The following FHIT variants were observed in gnomAD, a reference collection of about 807,000 sequenced individuals.
FHIT encodes fragile histidine triad diadenosine triphosphatase.
A neutral mutation model predicts 17.9 loss-of-function variants in FHIT; 19 were observed. The ratio of observed to expected loss-of-function variants is 1.06; its 90% CI spans 0.74 to 1.56. The LOEUF is 1.56. FHIT is among the 40% of genes most tolerant of loss of function. The probability of loss-of-function intolerance (pLI) is 0.00; values close to 1 mark genes in which losing one functional copy is unlikely to be tolerated. For missense variants in FHIT, 248 were observed against 189.2 expected (o/e 1.31, Z -1.82); for synonymous variants, 81 against 69.7 (o/e 1.16, Z -0.81).
At chr3:59,903,498 G>A (rs951430691) in intron 8 of FHIT, among the ~76,000 whole-genome samples, 2 of 152,132 alleles carry the variant, frequency 1.3e-5, no homozygotes, top group Admixed American at 6.5e-5. Context: ...CTGAGACAAA[G>A]GAAGAAATAA....
intron 5 of FHIT, among the ~76,000 whole-genome samples, chr3:60,190,367 A>G (rs1158920039): frequency 6.6e-6 from 1 of 152,120 alleles, no homozygotes; most frequent in Non-Finnish European, 1.5e-5. Context: ...AAAAAAAAAA[A>G]AGAAAAACTA....
At chr3:60,553,360 C>T (rs1431062334) in intron 4 of FHIT, 27 of 975,890 alleles carry the variant, frequency 2.8e-5, no homozygotes, top group South Asian at 4.7e-5. Flanking sequence ...TGTGTTTTTA[C>T]GTAATGTGAA....
intron 4 of FHIT, among the ~76,000 whole-genome samples, chr3:60,706,905 A>C (rs1314817884): frequency 6.6e-6 from 1 of 152,224 alleles, no homozygotes; most frequent in African/African-American, 2.4e-5. Flanking sequence ...TGTGGCACTT[A>C]CATCTTTTCT....
At chr3:60,864,175 A>G (rs1302656998) in intron 3 of FHIT, among the ~76,000 whole-genome samples, 3 of 151,982 alleles carry the variant, frequency 2.0e-5, no homozygotes, top group African/African-American at 7.3e-5. Flanking sequence ...TGATTCAATT[A>G]CCTCCTACCC....
intron 4 of FHIT, among the ~76,000 whole-genome samples, chr3:60,735,518 G>A (rs781881982): frequency 6.6e-6 from 1 of 152,110 alleles, no homozygotes; most frequent in Non-Finnish European, 1.5e-5. Context: ...TGAAAGGGAA[G>A]AATTTAAAAA....
At chr3:60,496,047 A>G in intron 5 of FHIT, among the ~76,000 whole-genome samples, 1 of 152,192 alleles carries the variant, frequency 6.6e-6, no homozygotes, top group East Asian at 1.9e-4. Flanking sequence ...TTAATACATT[A>G]GAAAAATATG....
At chr3:60,862,053 A>G (rs1014438681) in intron 3 of FHIT, among the ~76,000 whole-genome samples, 7 of 152,216 alleles carry the variant, frequency 4.6e-5, no homozygotes, top group Non-Finnish European at 1.0e-4. Context: ...GTGTCTAACA[A>G]ATGCTTATAG....
intron 5 of FHIT, among the ~76,000 whole-genome samples, chr3:60,173,396 G>A (rs1701505854): frequency 6.6e-6 from 1 of 152,050 alleles, no homozygotes; most frequent in African/African-American, 2.4e-5. Flanking sequence ...AATTAGACTG[G>A]GTAAAGTGAA....
intron 3 of FHIT, among the ~76,000 whole-genome samples, chr3:60,939,930 G>C (rs1708339895): frequency 6.6e-6 from 1 of 152,042 alleles, no homozygotes; most frequent in Non-Finnish European, 1.5e-5. Context: ...TCATGATCAA[G>C]ACTCAGAAAC....
intron 5 of FHIT, among the ~76,000 whole-genome samples, chr3:60,523,351 C>T (rs2035446880): frequency 6.6e-6 from 1 of 152,104 alleles, no homozygotes; most frequent in Non-Finnish European, 1.5e-5. Flanking sequence ...TTAAATCTTA[C>T]TCTACTTTTT....
intron 8 of FHIT, among the ~76,000 whole-genome samples, chr3:59,778,672 C>G (rs1041598375): frequency 6.6e-6 from 1 of 152,198 alleles, no homozygotes; most frequent in Admixed American, 6.5e-5. Flanking sequence ...TGGGCCACAA[C>G]TGGACAACCC....
chr3:60,093,464 G>A (rs1703812628), intron 5 of FHIT, among the ~76,000 whole-genome samples: 1 of 152,148 alleles, frequency 6.6e-6, no homozygotes, highest in South Asian at 2.1e-4. Context: ...CAGCTATTGA[G>A]CAACCTCAAT....
rs374357295 is a variant in FHIT, at chr3:59,781,712, G to A, written c.349-29391C>T. Reference sequence around the variant, plus strand: ...CAACATTAATTACCAATGTCAGCCTGGATGCATTTGCTGGGTATTGAAACC... The same window carrying A: ...CAACATTAATTACCAATGTCAGCCTAGATGCATTTGCTGGGTATTGAAACC... On this transcript the variant is annotated intron_variant, in intron 8 of 9. Transcript: ENST00000492590. Among the ~76,000 whole-genome samples, 39 of 152,308 alleles carry A rather than the reference G, an allele frequency of 2.6e-4. 1 individual carries two copies. The East Asian group carries it at 2.9e-3, about 11-fold the overall frequency.
In FHIT at chr3:59,948,320, T is replaced by A. The variant is rs903366730; in HGVS notation, c.280-25906A>T. 5.5e-4 allele frequency among the ~76,000 whole-genome samples: 73 copies of A among 133,884 alleles called. 1 individual carries two copies. The highest frequency in any genetic ancestry group is 4.5e-3 in the Middle Eastern group (1 of 224). 87.8% of individuals were successfully genotyped at this position (133,884 alleles called of 152,430 possible). A position where few individuals can be genotyped will look rare whatever the true frequency, so the allele number is the denominator to read the frequency against. On this transcript the variant is annotated intron_variant, in intron 7 of 9. Transcript: ENST00000492590. ...GACATCGAGACCATCCTGGCCAACA[T>A]AGTGAAACCCCGTCTCCACTAAAAA...
At chr3:60,354,540 G>C (rs1350381003) in intron 5 of FHIT, among the ~76,000 whole-genome samples, 1 of 152,134 alleles carries the variant, frequency 6.6e-6, no homozygotes, top group Non-Finnish European at 1.5e-5. Flanking sequence ...TGCCAGTTAA[G>C]TCACCTTTCC....
chr3:60,943,415 T>G (rs111656720), intron 3 of FHIT, among the ~76,000 whole-genome samples: 69 of 152,258 alleles, frequency 4.5e-4, no homozygotes, highest in Middle Eastern at 3.4e-3. Flanking sequence ...ATATTAATAG[T>G]GTCACCAGCT....
chr3:59,979,778 G>A (rs1029678584), intron 7 of FHIT, among the ~76,000 whole-genome samples: 1 of 152,096 alleles, frequency 6.6e-6, no homozygotes, highest in African/African-American at 2.4e-5. Context: ...CGTGTGACAA[G>A]AGTACATGTT....
At chr3:60,184,321 C>A (rs962879117) in intron 5 of FHIT, among the ~76,000 whole-genome samples, 4 of 151,918 alleles carry the variant, frequency 2.6e-5, no homozygotes, top group Admixed American at 2.0e-4. Flanking sequence ...ACTCCAGGAC[C>A]CCATCCAAGA....
chr3:60,531,069 C>T (rs1468012547), intron 5 of FHIT, among the ~76,000 whole-genome samples: 1 of 152,116 alleles, frequency 6.6e-6, no homozygotes, highest in East Asian at 1.9e-4. Context: ...ACCAACTTGC[C>T]CCACTACAAT....
Sources: gnomAD v4.1 joint callset for allele counts (sites outside exome capture counted in the v4.1 genomes callset) on GRCh38, gnomAD v4.1.1 for gene constraint, MANE v1.5 for transcripts, NCBI Gene and HGNC (gene_info 2026-07-23, HGNC 2026-07-21) for gene names.